Variants in C2CD5 observed in about 807,000 individuals in gnomAD.
C2CD5 encodes C2 domain-containing protein 5.
A neutral mutation model predicts 130.3 loss-of-function variants in C2CD5; 109 were observed. The ratio of observed to expected loss-of-function variants is 0.84; its 90% confidence interval spans 0.72 to 0.98. The LOEUF is 0.98. C2CD5 is among the 50% of genes least tolerant of loss of function. C2CD5 has a pLI of 0.00. For synonymous variants in C2CD5, 454 were observed against 429.2 expected (o/e 1.06, Z -0.71); for missense variants, 996 against 1,261.8 (o/e 0.79, Z 3.19).
At chr12:22,530,521 G>C (rs1951177839) in intron 3 of C2CD5, among the ~76,000 whole-genome samples, 2 of 151,288 alleles carry the variant, frequency 1.3e-5, no homozygotes, top group African/African-American at 4.9e-5. Flanking sequence ...GCAATGGCGT[G>C]ATCTCGACTC....
chr12:22,522,703 A>G (rs1375648383), intron 7 of C2CD5, among the ~76,000 whole-genome samples: 1 of 152,140 alleles, frequency 6.6e-6, no homozygotes, highest in African/African-American at 2.4e-5. Context: ...GCCTCTAGAC[A>G]TTTGAGTTTA....
chr12:22,467,521 A>C (rs1299685383), intron 22 of C2CD5, among the ~76,000 whole-genome samples: 1 of 152,214 alleles, frequency 6.6e-6, no homozygotes, highest in East Asian at 1.9e-4. Context: ...AAATGGGAAT[A>C]TGTTAATAAT....
rs1952755199 is a variant in C2CD5 at position 22,544,452 on chromosome 12, G to A, written c.-162C>T. 7.7e-6 allele frequency: 2 copies of A among 261,162 alleles called. No homozygotes were observed. The highest frequency in any genetic ancestry group is 1.4e-5 in the Non-Finnish European group (2 of 138,564). The allele number at this position is 261,162 out of a possible 1,614,324, so 16.2% of individuals were successfully genotyped here. On this transcript the variant is annotated 5_prime_UTR_variant, in exon 1 of 27. Transcript: ENST00000446597. The stretch of plus-strand genomic sequence containing the variant: ...TGGGACGAAAAGCAAAACCCAGTCA[G>A]CATCCCGTTGAGCCTCTGCCGCCCC...
intron 6 of C2CD5, among the ~76,000 whole-genome samples, chr12:22,523,863 A>G (rs540841505): frequency 2.0e-5 from 3 of 151,294 alleles, no homozygotes; most frequent in African/African-American, 7.3e-5. Context: ...TATATAGAAT[A>G]AAAACAAATA....
At chr12:22,535,224 A>T (rs1260976664) in intron 3 of C2CD5, 34 bp downstream of exon 3, 2 of 1,200,192 alleles carry the variant, frequency 1.7e-6, no homozygotes, top group South Asian at 1.2e-5. Flanking sequence ...CCTCAAAAAA[A>T]TACACTCAAA....
intron 10 of C2CD5, among the ~76,000 whole-genome samples, chr12:22,500,683 A>G (rs1300259245): frequency 6.6e-6 from 1 of 152,226 alleles, no homozygotes; most frequent in Non-Finnish European, 1.5e-5. Flanking sequence ...ATAAATTCTG[A>G]TATAAGCTTG....
intron 15 of C2CD5, among the ~76,000 whole-genome samples, chr12:22,475,815 TATA>T (rs1429022868): frequency 2.0e-5 from 3 of 152,096 alleles, no homozygotes; most frequent in Admixed American, 2.0e-4. Flanking sequence ...AAGTTAACAT[TATA>T]ATAACTACAA....
At chr12:22,502,866 A>G in intron 10 of C2CD5, 1 of 903,576 alleles carries the variant, frequency 1.1e-6, no homozygotes, top group Non-Finnish European at 1.7e-6. Flanking sequence ...GAATAAAACA[A>G]AAAACACTAC....
Position 22,472,675 on chromosome 12 carries a change from G to A in C2CD5, c.2107+69C>T, listed in dbSNP as rs571858985. 7 of 907,638 alleles carry A rather than the reference G, an allele frequency of 7.7e-6. No individual in the cohort carries two copies. The East Asian group carries it at 1.4e-4, about 19-fold the overall frequency. The allele number at this position is 907,638 out of a possible 1,614,324, so 56.2% of individuals were successfully genotyped here. On this transcript the variant is annotated intron_variant, in intron 17 of 26. Transcript: ENST00000446597. The stretch of plus-strand genomic sequence containing the variant: ...CTTCTTTTAAAGTAAAATTAGTACT[G>A]TAACAATTATGAGCTAAAACATTTA...
chr12:22,544,112 G>A lies in C2CD5; in HGVS notation c.39C>T (p.Arg13=). ...TAGCACGGTCCATCACTGGCAAATG[G>A]CGCCCGGCCACGATTTTCACCTTCA... ...GKLKVKIVAG[R]HLPVMDRASD... Residue 13 remains arginine, a synonymous_variant, in exon 2 of 27, where the codon CGC becomes CGT. Coordinates refer to ENST00000446597, the MANE Select transcript of C2CD5 (RefSeq NM_001286176.2). 2 of 1,613,888 alleles carry A rather than the reference G, an allele frequency of 1.2e-6. No individual in the cohort carries two copies. The highest frequency in any genetic ancestry group is 1.1e-5 in the South Asian group (1 of 91,044).
chr12:22,535,302 T>A lies in C2CD5; in HGVS notation c.133A>T (p.Lys45Ter), dbSNP rs762341741. The A allele has an allele frequency of 9.3e-6, 15 of 1,606,882 alleles. No individual in the cohort carries two copies. The highest frequency in any genetic ancestry group is 1.2e-5 in the Non-Finnish European group (14 of 1,174,026). Residue 45 changes from lysine (K) to a stop codon, truncating the protein, a stop_gained, in exon 3 of 27, where the codon AAG (lysine) becomes TAG (stop). Coordinates refer to ENST00000446597, the MANE Select transcript of C2CD5 (RefSeq NM_001286176.2). LOFTEE classifies it high-confidence loss of function. The part of the protein sequence containing the change: ...NTTFKTDVYL[K>*]SLNPQWNSEW... Reference sequence around the variant, plus strand: ...GAGTTCCACTGAGGGTTGAGTGACTTAAGGTACACATCTGTTTTAAAGGTG... The same window carrying A: ...GAGTTCCACTGAGGGTTGAGTGACTAAAGGTACACATCTGTTTTAAAGGTG...
chr12:22,503,201 T>A (rs1295530849), intron 10 of C2CD5, among the ~76,000 whole-genome samples: 1 of 152,094 alleles, frequency 6.6e-6, no homozygotes, highest in Non-Finnish European at 1.5e-5. Flanking sequence ...TTTCCCATAT[T>A]CACCGGTCAA....
At chr12:22,508,946 G>A (rs1032067742) in intron 9 of C2CD5, among the ~76,000 whole-genome samples, 4 of 149,536 alleles carry the variant, frequency 2.7e-5, no homozygotes, top group African/African-American at 5.0e-5. Context: ...GCGCAATCTC[G>A]GCTCACTGCA....
Position 22,490,222 on chromosome 12 carries a change from T to C in C2CD5, c.1263-4A>G, listed in dbSNP as rs1166087006. On this transcript the variant is annotated splice_polypyrimidine_tract_variant and splice_region_variant and intron_variant, in intron 11 of 26. Transcript: ENST00000446597. ...AGATAAAATGCAGACCTCTTCACTA[T>C]AAAGGAAAAAACACAAACAAGTTAA... The C allele has an allele frequency of 6.2e-7, 1 of 1,602,580 alleles. No individual in the cohort carries two copies. Among genetic ancestry groups the C allele is most frequent in the Non-Finnish European group, 8.5e-7 (1 of 1,170,650 alleles).
intron 2 of C2CD5, 36 bp from the exon 3 acceptor site, chr12:22,535,380 T>C: frequency 1.8e-6 from 2 of 1,114,176 alleles, no homozygotes; most frequent in Non-Finnish European, 2.7e-6. Context: ...CATATGAATA[T>C]CAAAAATGTG....
In C2CD5 at chr12:22,493,205, G is replaced by C; in HGVS notation, c.1262+18C>G. 1 of 1,360,736 alleles carries C rather than the reference G, an allele frequency of 7.3e-7. No homozygotes were observed. The highest frequency in any genetic ancestry group is 1.4e-5 in the African/African-American group (1 of 69,436). The allele number at this position is 1,360,736 out of a possible 1,614,324, so 84.3% of individuals were successfully genotyped here. A position where few individuals can be genotyped will look rare whatever the true frequency, so the allele number is the denominator to read the frequency against. ...TCTAAATTAGTGTCTGGAAAATCAAGTTGTTATTATCATTTACCAGATGCT... is the reference window on the plus strand; with the variant it reads ...TCTAAATTAGTGTCTGGAAAATCAACTTGTTATTATCATTTACCAGATGCT... On this transcript the variant is annotated intron_variant, in intron 11 of 26. Transcript: ENST00000446597.
chr12:22,493,760 T>C (rs1030680333), intron 10 of C2CD5, among the ~76,000 whole-genome samples: 1 of 152,030 alleles, frequency 6.6e-6, no homozygotes, highest in Non-Finnish European at 1.5e-5. Flanking sequence ...TTGGTACCTA[T>C]TTTTATAACT....
chr12:22,454,100 T>C, intron 25 of C2CD5, 58 bp from the exon 26 acceptor site: 2 of 1,337,940 alleles, frequency 1.5e-6, no homozygotes, highest in Non-Finnish European at 2.1e-6. Flanking sequence ...GATATAGGAA[T>C]GCACACAAAA....
intron 22 of C2CD5, chr12:22,460,801 ACTCCTGAC>A (rs1158973780): frequency 6.6e-6 from 1 of 151,854 alleles, no homozygotes; most frequent in Non-Finnish European, 1.5e-5. Flanking sequence ...CTGGTCTTGA[ACTCCTGAC>A]CTCAGGTAAT....
Sources: allele counts gnomAD v4.1 joint callset (sites outside exome capture counted in the v4.1 genomes callset), GRCh38; gene constraint gnomAD v4.1.1; transcripts MANE v1.5; gene names NCBI Gene and HGNC (gene_info 2026-07-23, HGNC 2026-07-21).